Variants in CBFA2T2 observed in about 807,000 individuals in gnomAD.
CBFA2T2 encodes CBFA2/RUNX1 partner transcriptional co-repressor 2.
A neutral mutation model predicts 62.2 loss-of-function variants in CBFA2T2; 11 were observed. The ratio of observed to expected loss-of-function variants is 0.18; its 90% CI spans 0.11 to 0.29. CBFA2T2 has a LOEUF of 0.29. CBFA2T2 is among the 10% of genes least tolerant of loss of function. The probability of loss-of-function intolerance (pLI) is 1.00; values close to 1 mark genes in which losing one functional copy is unlikely to be tolerated. For missense variants in CBFA2T2, 592 were observed against 774.1 expected (o/e 0.76, Z 2.79); for synonymous variants, 295 against 287.5 (o/e 1.03, Z -0.27).
At chr20:33,618,349 G>A (rs536009962) in intron 3 of CBFA2T2, 53 of 152,144 alleles carry the variant, frequency 3.5e-4, no homozygotes, top group African/African-American at 1.2e-3. Context: ...CATTTTGTTC[G>A]TTTGTTTTAA....
chr20:33,597,385 G>A (rs1336222417), intron 1 of CBFA2T2, among the ~76,000 whole-genome samples: 1 of 152,122 alleles, frequency 6.6e-6, no homozygotes, highest in Non-Finnish European at 1.5e-5. Context: ...TTATTTAACT[G>A]CATTCCACTA....
At chr20:33,543,980 A>G (rs2012471326) in intron 1 of CBFA2T2, among the ~76,000 whole-genome samples, 1 of 152,086 alleles carries the variant, frequency 6.6e-6, no homozygotes, top group Admixed American at 6.6e-5. Context: ...ATTCTTGTCC[A>G]TACCACTAGC....
intron 1 of CBFA2T2, among the ~76,000 whole-genome samples, chr20:33,527,178 AT>A (rs1441098664): frequency 6.6e-6 from 1 of 152,060 alleles, no homozygotes; most frequent in Non-Finnish European, 1.5e-5. Flanking sequence ...AAAATCACAT[AT>A]CACTTAATTT....
At position 33,490,105 on chromosome 20, in the gene CBFA2T2, G is replaced by A; in HGVS notation, c.-163G>A. The A allele has an allele frequency of 1.5e-6, 1 of 677,906 alleles. No homozygotes were observed. The highest frequency in any genetic ancestry group is 1.9e-6 in the Non-Finnish European group (1 of 518,472). The allele number at this position is 677,906 out of a possible 1,614,324, so 42.0% of individuals were successfully genotyped here. ...GCGGCCTAACGGCGGCGGCGGCGGCGGCGACGGCGACAGCAGCGGTGGTGG... is the reference window on the plus strand; with the variant it reads ...GCGGCCTAACGGCGGCGGCGGCGGCAGCGACGGCGACAGCAGCGGTGGTGG... On this transcript the variant is annotated 5_prime_UTR_variant, in exon 1 of 11. Coordinates refer to ENST00000342704, the MANE Select transcript of CBFA2T2 (RefSeq NM_001032999.3).
At chr20:33,533,924 G>C (rs1362322636) in intron 1 of CBFA2T2, among the ~76,000 whole-genome samples, 1 of 152,116 alleles carries the variant, frequency 6.6e-6, no homozygotes, top group African/African-American at 2.4e-5. Context: ...GCATTGAGCC[G>C]AGGTTTCAGT....
chr20:33,547,089 A>G (rs548229770), intron 1 of CBFA2T2, among the ~76,000 whole-genome samples: 25 of 152,154 alleles, frequency 1.6e-4, no homozygotes, highest in Non-Finnish European at 3.5e-4. Context: ...AGTCCCAGCT[A>G]CTCAGGAGGC....
intron 1 of CBFA2T2, among the ~76,000 whole-genome samples, chr20:33,517,454 T>TTG (rs1214403312): frequency 5.1e-4 from 75 of 148,464 alleles, no homozygotes; most frequent in African/African-American, 1.4e-3. Flanking sequence ...TTTTTGGTGT[T>TTG]TTTTTTTTTT....
At chr20:33,517,453 T>TG (rs2011621362) in intron 1 of CBFA2T2, among the ~76,000 whole-genome samples, 1 of 125,620 alleles carries the variant, frequency 8.0e-6, no homozygotes, top group Admixed American at 9.7e-5. Flanking sequence ...TTTTTTGGTG[T>TG]TTTTTTTTTT....
chr20:33,641,136 C>T (rs2016821960), intron 10 of CBFA2T2, among the ~76,000 whole-genome samples: 1 of 152,004 alleles, frequency 6.6e-6, no homozygotes, highest in South Asian at 2.1e-4. Flanking sequence ...GGGTTCACGC[C>T]ATTCTCCTGC....
intron 1 of CBFA2T2, among the ~76,000 whole-genome samples, chr20:33,594,210 C>G (rs763309003): frequency 2.0e-5 from 3 of 152,076 alleles, no homozygotes; most frequent in African/African-American, 2.4e-5. Context: ...TCAGAATTTA[C>G]TGCTATATTT....
At position 33,624,744 on chromosome 20, in the gene CBFA2T2, C is replaced by T. The variant is rs1310525196; in HGVS notation, c.693-20C>T. On this transcript the variant is annotated intron_variant, in intron 5 of 10. Transcript: ENST00000342704. The stretch of plus-strand genomic sequence containing the variant: ...ACACTTGTTGACAGGATCAGATACG[C>T]ACTTCTGCTTCTTCTACAGGAGAGA... 6.2e-7 allele frequency: 1 copy of T among 1,612,726 alleles called. No homozygotes were observed. The highest frequency in any genetic ancestry group is 8.5e-7 in the Non-Finnish European group (1 of 1,179,086).
intron 1 of CBFA2T2, among the ~76,000 whole-genome samples, chr20:33,559,109 TATG>T (rs2013006327): frequency 1.3e-5 from 2 of 152,090 alleles, no homozygotes; most frequent in Admixed American, 1.3e-4. Flanking sequence ...TAGGTATTAT[TATG>T]AACTCATGAT....
chr20:33,504,650 A>T (rs1401158218), intron 1 of CBFA2T2, among the ~76,000 whole-genome samples: 2 of 151,874 alleles, frequency 1.3e-5, no homozygotes, highest in African/African-American at 4.8e-5. Flanking sequence ...TGATCCACCC[A>T]CCTTGGCCTC....
At chr20:33,619,367 A>C (rs1463395723) in intron 3 of CBFA2T2, 150 bp from the exon 4 acceptor site, 4 of 443,860 alleles carry the variant, frequency 9.0e-6, no homozygotes, top group African/African-American at 8.2e-5. Flanking sequence ...AGACCGCGCC[A>C]CTGCGCTCTG....
Position 33,644,508 on chromosome 20 carries a change from G to A in CBFA2T2, c.1650G>A (p.Leu550=). 6.2e-7 allele frequency: 1 copy of A among 1,614,078 alleles called. No homozygotes were observed. The change falls in exon 11 of 11, where the codon CTG becomes CTA. Residue 550 remains leucine (L), a synonymous_variant. Transcript: ENST00000342704. The part of the protein sequence containing the change: ...GQSPHGQGRP[L]LPVGRGSSAR... ...GCCCCCACGGCCAGGGCCGGCCGCT[G>A]CTTCCTGTAGGCAGGGGCTCCTCTG...
chr20:33,597,073 C>G (rs2014925694), intron 1 of CBFA2T2, among the ~76,000 whole-genome samples: 2 of 151,888 alleles, frequency 1.3e-5, no homozygotes, highest in African/African-American at 4.8e-5. Flanking sequence ...TATAGGCAAG[C>G]ACTCTCACAC....
intron 1 of CBFA2T2, among the ~76,000 whole-genome samples, chr20:33,558,934 C>T (rs77551269): frequency 0.027 from 4,170 of 151,820 alleles, 174 homozygotes; most frequent in African/African-American, 0.094. Flanking sequence ...AGCCTATCAT[C>T]GAAATAATGA....
At chr20:33,531,213 T>C (rs1190337817) in intron 1 of CBFA2T2, among the ~76,000 whole-genome samples, 2 of 152,116 alleles carry the variant, frequency 1.3e-5, no homozygotes, top group East Asian at 1.9e-4. Context: ...TCAGGAAATA[T>C]TTGTTGAAGG....
chr20:33,528,709 T>C (rs73119143), intron 1 of CBFA2T2, among the ~76,000 whole-genome samples: 10 of 139,888 alleles, frequency 7.1e-5, no homozygotes, highest in Admixed American at 3.6e-4. Context: ...TGTGTGTGTG[T>C]GCGTGTGTGG....
Sources: gnomAD v4.1 joint callset for allele counts (sites outside exome capture counted in the v4.1 genomes callset) on GRCh38, gnomAD v4.1.1 for gene constraint, MANE v1.5 for transcripts, NCBI Gene and HGNC (gene_info 2026-07-23, HGNC 2026-07-21) for gene names.